ITPR2: variants seen among roughly 807,000 people sequenced by gnomAD.
The protein encoded by ITPR2 is inositol 1,4,5-trisphosphate-gated calcium channel ITPR2.
ITPR2 carries 207 observed loss-of-function variants against 317.1 expected under a neutral mutation model. The ratio of observed to expected loss-of-function variants is 0.65; its 90% CI spans 0.58 to 0.73. The LOEUF is 0.73. Ranked by LOEUF, ITPR2 falls within the 30% of genes least tolerant of loss-of-function variation. ITPR2 has a pLI of 0.00. For missense variants in ITPR2, 2,613 were observed against 3,284.0 expected (o/e 0.80, Z 4.99); for synonymous variants, 1,156 against 1,149.1 (o/e 1.01, Z -0.12).
chr12:26,698,192 A>G (rs1948385566), intron 9 of ITPR2, among the ~76,000 whole-genome samples: 1 of 152,228 alleles, frequency 6.6e-6, no homozygotes, highest in African/African-American at 2.4e-5. Flanking sequence ...AGGTTACTCT[A>G]TCCATTGAAA....
At position 26,723,719 on chromosome 12, in the gene ITPR2, A is replaced by T. The variant is rs78595565; in HGVS notation, c.366+937T>A. On this transcript the variant is annotated intron_variant, in intron 4 of 56. Coordinates refer to ENST00000381340, the MANE Select transcript of ITPR2 (RefSeq NM_002223.4). Reference sequence around the variant, plus strand: ...AATATCAGGGATATTATTTTAAAAGACAGCTCTATGAAATGCCTCATTGTA... The same window carrying T: ...AATATCAGGGATATTATTTTAAAAGTCAGCTCTATGAAATGCCTCATTGTA... Among the ~76,000 whole-genome samples, 295 of 152,312 alleles carry T rather than the reference A, an allele frequency of 1.9e-3. 2 individuals carry two copies. The highest frequency in any genetic ancestry group is 6.7e-3 in the African/African-American group (278 of 41,570).
intron 22 of ITPR2, among the ~76,000 whole-genome samples, chr12:26,631,554 G>GAA (rs1946752254): frequency 6.6e-6 from 1 of 152,124 alleles, no homozygotes; most frequent in Non-Finnish European, 1.5e-5. Flanking sequence ...CTTCTCAAAT[G>GAA]AAGGTAAAGT....
intron 34 of ITPR2, among the ~76,000 whole-genome samples, chr12:26,568,017 T>TATATATTATATATATTATATATATA (rs1591911205): frequency 1.7e-5 from 2 of 119,012 alleles, no homozygotes; most frequent in Admixed American, 9.5e-5. Flanking sequence ...TATATATATA[T>TATATATTATATATATTATATATATA]ATATATATAT....
intron 26 of ITPR2, among the ~76,000 whole-genome samples, chr12:26,607,700 G>C (rs1946167986): frequency 6.6e-6 from 1 of 152,152 alleles, no homozygotes; most frequent in African/African-American, 2.4e-5. Context: ...CTCAAGTCAG[G>C]AGCAAAGCTC....
chr12:26,575,122 G>A (rs1167745840), intron 34 of ITPR2, among the ~76,000 whole-genome samples: 4 of 149,234 alleles, frequency 2.7e-5, no homozygotes, highest in Non-Finnish European at 4.4e-5. Context: ...TCGAGTAATG[G>A]GAAAGATGCT....
chr12:26,695,907 G>A (rs1289910125), intron 9 of ITPR2, among the ~76,000 whole-genome samples: 1 of 152,082 alleles, frequency 6.6e-6, no homozygotes, highest in Non-Finnish European at 1.5e-5. Context: ...AGTAAGAATT[G>A]ACAATATCAC....
chr12:26,370,172 T>C (rs1443371682), intron 55 of ITPR2, among the ~76,000 whole-genome samples: 1 of 152,218 alleles, frequency 6.6e-6, no homozygotes, highest in East Asian at 1.9e-4. Flanking sequence ...GAAGGGATGA[T>C]GGTAACCCCT....
chr12:26,774,189 T>G (rs1949918886), intron 2 of ITPR2, among the ~76,000 whole-genome samples: 1 of 152,038 alleles, frequency 6.6e-6, no homozygotes, highest in African/African-American at 2.4e-5. Flanking sequence ...GAACTTAAAT[T>G]TAAAGGTGTA....
intron 2 of ITPR2, among the ~76,000 whole-genome samples, chr12:26,771,183 T>A (rs561415933): frequency 1.8e-4 from 28 of 152,378 alleles, no homozygotes; most frequent in Admixed American, 1.3e-4. Context: ...AAAGACATTA[T>A]ACATAAAGAC....
At chr12:26,757,889 G>A (rs1949555755) in intron 2 of ITPR2, among the ~76,000 whole-genome samples, 1 of 152,126 alleles carries the variant, frequency 6.6e-6, no homozygotes, top group South Asian at 2.1e-4. Context: ...TATCCTCTTG[G>A]GGATGTGGAA....
intron 36 of ITPR2, among the ~76,000 whole-genome samples, chr12:26,553,516 G>T (rs1944581300): frequency 6.6e-6 from 1 of 150,406 alleles, no homozygotes; most frequent in Non-Finnish European, 1.5e-5. Context: ...GCCAGGCATG[G>T]TAGCTCACGC....
rs140246848 is a variant in ITPR2, at chr12:26,658,183, G to A, written c.1887-53C>T. On this transcript the variant is annotated intron_variant, in intron 16 of 56. Coordinates refer to ENST00000381340, the MANE Select transcript of ITPR2 (RefSeq NM_002223.4). ...TATGAAGACAAAGCATTTTATAAAAGCATCACAATAAAGACATAATTTGGA... is the reference window on the plus strand; with the variant it reads ...TATGAAGACAAAGCATTTTATAAAAACATCACAATAAAGACATAATTTGGA... The A allele has an allele frequency of 5.7e-4, 735 of 1,282,986 alleles. 2 individuals are homozygous for A. In the African/African-American group the frequency reaches 0.01, roughly 18 times the overall value. The allele number at this position is 1,282,986 out of a possible 1,614,324, so 79.5% of individuals were successfully genotyped here.
At chr12:26,766,961 G>A (rs1019230946) in intron 2 of ITPR2, among the ~76,000 whole-genome samples, 9 of 152,070 alleles carry the variant, frequency 5.9e-5, no homozygotes, top group African/African-American at 1.4e-4. Flanking sequence ...GCATGTGTGC[G>A]TATATATATA....
In ITPR2 at chr12:26,339,282, G is replaced by C. The variant is rs1938023568; in HGVS notation, c.*115C>G. On this transcript the variant is annotated 3_prime_UTR_variant, in exon 57 of 57. Coordinates refer to ENST00000381340, the MANE Select transcript of ITPR2 (RefSeq NM_002223.4). Reference sequence around the variant, plus strand: ...TAACCCACTCAACATCTTGGCACTTGGTTGTTTTTAACTTTTCAACAATAG... The same window carrying C: ...TAACCCACTCAACATCTTGGCACTTCGTTGTTTTTAACTTTTCAACAATAG... 3.6e-6 allele frequency: 3 copies of C among 823,178 alleles called. No homozygotes were observed. In the East Asian group the frequency reaches 7.8e-5, roughly 21 times the overall value. The allele number at this position is 823,178 out of a possible 1,614,324, so 51.0% of individuals were successfully genotyped here.
chr12:26,437,197 T>C (rs139106609), intron 47 of ITPR2, among the ~76,000 whole-genome samples: 3 of 152,318 alleles, frequency 2.0e-5, no homozygotes, highest in African/African-American at 7.2e-5. Context: ...ATGGCTCCTA[T>C]AGGCCTTGTC....
intron 10 of ITPR2, among the ~76,000 whole-genome samples, 160 bp downstream of exon 10, chr12:26,695,446 T>C (rs1948322862): frequency 6.6e-6 from 1 of 152,192 alleles, no homozygotes; most frequent in South Asian, 2.1e-4. Flanking sequence ...CATCTTCTCA[T>C]AATCTAAGCC....
intron 45 of ITPR2, among the ~76,000 whole-genome samples, chr12:26,453,179 C>T (rs12308579): frequency 0.12 from 17,603 of 152,028 alleles, 2,550 homozygotes; most frequent in African/African-American, 0.34. Context: ...ATAAAGAATT[C>T]ATTACTTTAA....
intron 55 of ITPR2, among the ~76,000 whole-genome samples, chr12:26,350,274 G>A (rs902596750): frequency 3.3e-5 from 5 of 152,156 alleles, no homozygotes; most frequent in Non-Finnish European, 5.9e-5. Flanking sequence ...AAGAACACTG[G>A]GCTCTGGAGT....
chr12:26,725,932 T>G (rs753643774), intron 2 of ITPR2, 167 bp from the exon 3 acceptor site: 2 of 509,834 alleles, frequency 3.9e-6, no homozygotes, highest in South Asian at 3.1e-5. Context: ...TAACATCCTT[T>G]TCAAATAATT....
Sources: gnomAD v4.1 joint callset for allele counts (sites outside exome capture counted in the v4.1 genomes callset) on GRCh38, gnomAD v4.1.1 for gene constraint, MANE v1.5 for transcripts, NCBI Gene and HGNC (gene_info 2026-07-23, HGNC 2026-07-21) for gene names.